The following TCF4 variants were observed in gnomAD, a reference collection of about 807,000 sequenced individuals.
The protein encoded by TCF4 is SL3-3 enhancer factor 2.
TCF4 carries 3 observed loss-of-function variants against 82.1 expected under a neutral mutation model. That is an observed-to-expected ratio of 0.04 (90% CI 0.02 to 0.09). TCF4 has a LOEUF of 0.09. TCF4 is among the 10% of genes least tolerant of loss of function. The pLI is 1.00. For synonymous variants in TCF4, 276 were observed against 309.6 expected, an observed-to-expected ratio of 0.89 and a Z score of 1.14; for missense variants, 518 against 852.7, an observed-to-expected ratio of 0.61 and a Z score of 4.89.
chr18:55,484,405 T>C (rs963415724), intron 3 of TCF4, among the ~76,000 whole-genome samples: 2 of 152,230 alleles, frequency 1.3e-5, no homozygotes, highest in Non-Finnish European at 2.9e-5. Context: ...ATTTGAGAGA[T>C]GACAATTCAT....
chr18:55,601,805 C>T (rs538017907), intron 2 of TCF4, among the ~76,000 whole-genome samples: 2 of 152,044 alleles, frequency 1.3e-5, no homozygotes, highest in Admixed American at 6.6e-5. Context: ...AAAAGAAGGT[C>T]GGCTTCAAGG....
At chr18:55,429,764 CAAAAAAA>C (rs35255242) in intron 5 of TCF4, among the ~76,000 whole-genome samples, 4 of 57,170 alleles carry the variant, frequency 7.0e-5, no homozygotes, top group African/African-American at 8.4e-5. Context: ...GACTCCATCT[CAAAAAAA>C]AAAAAAAAAA....
chr18:55,502,488 A>T (rs182047755), intron 3 of TCF4, among the ~76,000 whole-genome samples: 1 of 152,326 alleles, frequency 6.6e-6, no homozygotes, highest in African/African-American at 2.4e-5. Flanking sequence ...AGAAGCTTAC[A>T]TCATCCTTGG....
At chr18:55,232,051 G>A (rs1002746239) in intron 17 of TCF4, 2 of 156,440 alleles carry the variant, frequency 1.3e-5, no homozygotes, top group Admixed American at 6.2e-5. Context: ...AACAATTAAG[G>A]TATTACTCTT....
At chr18:55,380,333 A>T (rs571313510) in intron 6 of TCF4, among the ~76,000 whole-genome samples, 1 of 151,760 alleles carries the variant, frequency 6.6e-6, no homozygotes, top group South Asian at 2.1e-4. Context: ...GGTTTGTTAC[A>T]TGGGTATACA....
intron 6 of TCF4, among the ~76,000 whole-genome samples, chr18:55,366,040 T>G (rs932969315): frequency 4.6e-5 from 7 of 151,022 alleles, no homozygotes; most frequent in Non-Finnish European, 8.9e-5. Context: ...ATAAGACATA[T>G]ATAGACCATG....
At chr18:55,247,857 C>T (rs2053776709) in intron 15 of TCF4, among the ~76,000 whole-genome samples, 1 of 152,086 alleles carries the variant, frequency 6.6e-6, no homozygotes, top group Admixed American at 6.5e-5. Context: ...TTCTATTGGG[C>T]AGAAACATAA....
At chr18:55,317,143 A>T (rs2074346299) in intron 8 of TCF4, among the ~76,000 whole-genome samples, 2 of 151,604 alleles carry the variant, frequency 1.3e-5, no homozygotes, top group African/African-American at 4.8e-5. Flanking sequence ...AATGAAGCAT[A>T]AAAAAAAATT....
intron 3 of TCF4, among the ~76,000 whole-genome samples, chr18:55,479,516 A>G (rs940273118): frequency 1.3e-5 from 2 of 152,234 alleles, no homozygotes; most frequent in African/African-American, 4.8e-5. Context: ...TCATGGGATC[A>G]TATGACTAGG....
intron 6 of TCF4, among the ~76,000 whole-genome samples, chr18:55,391,957 T>C (rs1304400340): frequency 1.3e-4 from 9 of 71,340 alleles, no homozygotes; most frequent in African/African-American, 5.9e-4. Context: ...AAAAAAATCT[T>C]TTTTTTTTTT....
chr18:55,535,133 C>T (rs980478705), intron 3 of TCF4, among the ~76,000 whole-genome samples: 3 of 152,132 alleles, frequency 2.0e-5, no homozygotes, highest in Admixed American at 6.5e-5. Flanking sequence ...TTAAGGTTAC[C>T]AATAACACCA....
At chr18:55,635,855 G>T in exon 1 of TCF4, 1 of 1,567,096 alleles carries the variant, frequency 6.4e-7, no homozygotes. Context: ...AAGGGAAAGA[G>T]GAGAGGCACC....
At chr18:55,612,149 G>A (rs2097707673) in intron 2 of TCF4, among the ~76,000 whole-genome samples, 1 of 152,176 alleles carries the variant, frequency 6.6e-6, no homozygotes, top group East Asian at 1.9e-4. Context: ...CAATTTGGAT[G>A]AGCCACATTT....
chr18:55,225,149 CA>C lies in TCF4; in HGVS notation c.*2885del. On this transcript the variant is annotated 3_prime_UTR_variant, in exon 20 of 20. Transcript: ENST00000354452. ...GTGCAGATTATGTTTCTCCACCAAG[CA>C]AAACCTAGCGAGCAGCTTTCAGTGG... is the stretch of plus-strand genomic sequence containing the variant. 1 of 152,414 alleles carries C rather than the reference CA, an allele frequency of 6.6e-6. No individual in the cohort carries two copies. The highest frequency in any genetic ancestry group is 3.4e-3 in the Middle Eastern group (1 of 294). 9.4% of individuals were successfully genotyped at this position (152,414 alleles called of 1,614,324 possible).
intron 13 of TCF4, among the ~76,000 whole-genome samples, chr18:55,259,255 G>C (rs2145656554): frequency 6.6e-6 from 1 of 152,206 alleles, no homozygotes; most frequent in East Asian, 1.9e-4. Context: ...CCTTACCAAA[G>C]AGCAGAGACA....
At chr18:55,366,001 GATATAGATATAGATATAGA>G (rs2086988394) in intron 6 of TCF4, among the ~76,000 whole-genome samples, 3 of 142,958 alleles carry the variant, frequency 2.1e-5, no homozygotes, top group Admixed American at 7.0e-5. Flanking sequence ...TATAGATATA[GATATAGATATAGATATAGA>G]TATAGATATA....
chr18:55,261,411 TA>T, intron 12 of TCF4, 54 bp downstream of exon 12: 1 of 1,594,366 alleles, frequency 6.3e-7, no homozygotes, highest in Non-Finnish European at 8.6e-7. Context: ...CACTTCTGAT[TA>T]AAGTTCACCC....
intron 2 of TCF4, among the ~76,000 whole-genome samples, chr18:55,622,549 A>G (rs2147989904): frequency 6.6e-6 from 1 of 151,630 alleles, no homozygotes; most frequent in East Asian, 1.9e-4. Context: ...TTAGTTTATC[A>G]TAATAGTGAT....
At chr18:55,369,766 G>A (rs1487821566) in intron 6 of TCF4, among the ~76,000 whole-genome samples, 1 of 152,222 alleles carries the variant, frequency 6.6e-6, no homozygotes, top group African/African-American at 2.4e-5. Flanking sequence ...AAATAAAAAT[G>A]TATTCATTAA....
Sources: gnomAD v4.1 joint callset for allele counts (sites outside exome capture counted in the v4.1 genomes callset) on GRCh38, gnomAD v4.1.1 for gene constraint, MANE v1.5 for transcripts, NCBI Gene and HGNC (gene_info 2026-07-23, HGNC 2026-07-21) for gene names.